Variants in LRP1B observed in about 807,000 individuals in gnomAD.
LRP1B encodes LDL receptor related protein 1B, also known as low-density lipoprotein receptor-related protein 1B.
LRP1B carries 217 observed loss-of-function variants against 556.6 expected under a neutral mutation model. The ratio of observed to expected loss-of-function variants is 0.39; its 90% CI spans 0.35 to 0.44. LRP1B has a LOEUF of 0.44. LRP1B is among the 20% of genes least tolerant of loss of function. LRP1B has a pLI of 1.00. For synonymous variants in LRP1B, 2,047 were observed against 1,865.8 expected, an observed-to-expected ratio of 1.10 and a Z score of -2.50; for missense variants, 5,053 against 5,620.8, an observed-to-expected ratio of 0.90 and a Z score of 3.23.
intron 82 of LRP1B, among the ~76,000 whole-genome samples, chr2:140,316,873 A>G (rs1433535291): frequency 6.6e-6 from 1 of 152,176 alleles, no homozygotes; most frequent in Non-Finnish European, 1.5e-5. Flanking sequence ...TAGGAGAAAG[A>G]TGAAGCGCTG....
intron 1 of LRP1B, among the ~76,000 whole-genome samples, chr2:141,966,495 A>G (rs1209979523): frequency 6.6e-6 from 1 of 151,908 alleles, no homozygotes; most frequent in African/African-American, 2.4e-5. Context: ...AGCAAGCAGC[A>G]GGGGCCAGCC....
chr2:140,824,952 G>A (rs1020092995), intron 31 of LRP1B, among the ~76,000 whole-genome samples: 2 of 152,180 alleles, frequency 1.3e-5, no homozygotes, highest in African/African-American at 2.4e-5. Context: ...TGTGCTATAC[G>A]TTGAGGATAT....
intron 66 of LRP1B, among the ~76,000 whole-genome samples, chr2:140,424,180 A>T (rs1685564198): frequency 1.3e-5 from 2 of 152,196 alleles, no homozygotes; most frequent in South Asian, 2.1e-4. Flanking sequence ...GGGCTTCCTT[A>T]AAAAAGATAA....
chr2:141,871,852 C>T (rs1698597374), intron 1 of LRP1B, among the ~76,000 whole-genome samples: 1 of 151,904 alleles, frequency 6.6e-6, no homozygotes, highest in Non-Finnish European at 1.5e-5. Context: ...CCACCCTCAA[C>T]CTATAGTTAC....
At chr2:140,356,624 C>T (rs917275874) in intron 74 of LRP1B, 148 bp from the exon 75 acceptor site, 3 of 571,554 alleles carry the variant, frequency 5.2e-6, no homozygotes, top group Admixed American at 3.3e-5. Context: ...TCCATATAAG[C>T]CCCCATGTCT....
chr2:141,119,792 T>C (rs1466959056), intron 7 of LRP1B, among the ~76,000 whole-genome samples: 2 of 151,658 alleles, frequency 1.3e-5, no homozygotes, highest in Non-Finnish European at 3.0e-5. Flanking sequence ...GTATCTGTTA[T>C]GTATAAAGAA....
At chr2:140,940,582 C>A (rs1046539824) in intron 20 of LRP1B, among the ~76,000 whole-genome samples, 1 of 152,098 alleles carries the variant, frequency 6.6e-6, no homozygotes, top group African/African-American at 2.4e-5. Flanking sequence ...CAGACCTGGG[C>A]TTTAGAGGAA....
intron 1 of LRP1B, among the ~76,000 whole-genome samples, chr2:142,115,580 G>GTTACATATATATAATATA (rs1201566675): frequency 0.015 from 386 of 26,458 alleles, 22 homozygotes; most frequent in East Asian, 0.025. Context: ...TATTATATAT[G>GTTACATATATATAATATA]TAATATATAT....
intron 1 of LRP1B, among the ~76,000 whole-genome samples, chr2:142,046,206 G>T (rs899542397): frequency 6.6e-6 from 1 of 151,834 alleles, no homozygotes; most frequent in African/African-American, 2.4e-5. Flanking sequence ...CTTTTTCAGG[G>T]TTGGGGGGCA....
Position 141,254,849 on chromosome 2 carries a change from C to A in LRP1B, c.344-208G>T, listed in dbSNP as rs546884427. On this transcript the variant is annotated intron_variant, in intron 3 of 90. Coordinates refer to ENST00000389484, the MANE Select transcript of LRP1B (RefSeq NM_018557.3). ...AAAATTCGAGATCAATCTGTTTGGT[C>A]TCCCGCTTTTTAGCTTATTACTGTG... 9.2e-5 allele frequency among the ~76,000 whole-genome samples: 14 copies of A among 152,098 alleles called. No individual in the cohort carries two copies. In the East Asian group the frequency reaches 2.7e-3, roughly 29 times the overall value.
intron 67 of LRP1B, among the ~76,000 whole-genome samples, chr2:140,381,270 A>G (rs1445245505): frequency 6.6e-6 from 1 of 152,090 alleles, no homozygotes; most frequent in African/African-American, 2.4e-5. Context: ...TCATGATACT[A>G]TTTTTCTTGT....
chr2:142,017,955 C>CTTTTTTTTTTTTTTTTTTTTTTTTTT (rs11431816), intron 1 of LRP1B, among the ~76,000 whole-genome samples: 1 of 147,262 alleles, frequency 6.8e-6, no homozygotes. Context: ...CTGACACGCT[C>CTTTTTTTTTTTTTTTTTTTTTTTTTT]TTTTTTTTTT....
At chr2:141,867,681 C>G (rs1042304561) in intron 1 of LRP1B, among the ~76,000 whole-genome samples, 4 of 152,066 alleles carry the variant, frequency 2.6e-5, no homozygotes, top group African/African-American at 9.7e-5. Context: ...ATTGATACAA[C>G]AATAACTATT....
At chr2:142,032,773 T>C (rs1703751992) in intron 1 of LRP1B, among the ~76,000 whole-genome samples, 1 of 151,800 alleles carries the variant, frequency 6.6e-6, no homozygotes, top group African/African-American at 2.4e-5. Context: ...TGTCTCTGTT[T>C]TCAGCTAAAC....
intron 66 of LRP1B, among the ~76,000 whole-genome samples, chr2:140,401,084 A>T (rs78372288): frequency 0.02 from 3,109 of 152,256 alleles, 38 homozygotes; most frequent in African/African-American, 0.028. Context: ...AGAAGCTCCG[A>T]ACTGAATTTG....
chr2:141,340,322 C>G (rs947351510), intron 3 of LRP1B, among the ~76,000 whole-genome samples: 3 of 152,200 alleles, frequency 2.0e-5, no homozygotes, highest in Non-Finnish European at 2.9e-5. Flanking sequence ...TATATCAATT[C>G]TTTTTCAAAT....
chr2:140,281,630 G>A (rs1423313923), intron 84 of LRP1B, among the ~76,000 whole-genome samples: 2 of 151,678 alleles, frequency 1.3e-5, no homozygotes, highest in African/African-American at 4.8e-5. Context: ...TTTGTGAAAT[G>A]GTTTTATATT....
chr2:141,339,494 A>G (rs902020352), intron 3 of LRP1B, among the ~76,000 whole-genome samples: 2 of 152,176 alleles, frequency 1.3e-5, no homozygotes, highest in Non-Finnish European at 2.9e-5. Context: ...CAAGTTAAAC[A>G]TCCCTCATTA....
intron 18 of LRP1B, among the ~76,000 whole-genome samples, chr2:140,961,038 T>C (rs1413336143): frequency 1.3e-5 from 2 of 151,944 alleles, no homozygotes; most frequent in African/African-American, 2.4e-5. Flanking sequence ...ACTCAAACAC[T>C]GTATTTGGTG....
Sources: allele counts gnomAD v4.1 joint callset (sites outside exome capture counted in the v4.1 genomes callset), GRCh38; gene constraint gnomAD v4.1.1; transcripts MANE v1.5; gene names NCBI Gene and HGNC (gene_info 2026-07-23, HGNC 2026-07-21).